XKR6: variants seen among roughly 807,000 people sequenced by gnomAD.
XKR6 encodes XK-related protein 6.
A neutral mutation model predicts 56.7 loss-of-function variants in XKR6; 22 were observed. The observed-to-expected ratio is 0.39, with a 90% CI of 0.28 to 0.55. The LOEUF (loss-of-function observed/expected upper bound fraction) is 0.55. Among genes scored for constraint, XKR6 ranks in the 20% least tolerant of loss-of-function variants. The pLI is 0.66. For synonymous variants in XKR6, 524 were observed against 387.8 expected, an observed-to-expected ratio of 1.35 and a Z score of -4.13; for missense variants, 852 against 889.0, an observed-to-expected ratio of 0.96 and a Z score of 0.53.
chr8:11,198,136 T>A (rs192625177), intron 1 of XKR6, among the ~76,000 whole-genome samples: 2 of 152,224 alleles, frequency 1.3e-5, no homozygotes, highest in African/African-American at 2.4e-5. Context: ...AGATGATGTA[T>A]GTTCAAACAC....
chr8:11,173,204 C>T (rs1313133053), intron 1 of XKR6, among the ~76,000 whole-genome samples: 2 of 151,112 alleles, frequency 1.3e-5, no homozygotes, highest in African/African-American at 4.9e-5. Flanking sequence ...ATTAGCCGGG[C>T]GTGGTGGCGG....
chr8:11,174,224 A>G (rs1047819489), intron 1 of XKR6, among the ~76,000 whole-genome samples: 3 of 152,256 alleles, frequency 2.0e-5, no homozygotes, highest in Admixed American at 6.5e-5. Context: ...AAATTGCATT[A>G]GGAACACACG....
intron 1 of XKR6, among the ~76,000 whole-genome samples, chr8:11,191,605 G>A (rs1382325181): frequency 6.6e-6 from 1 of 150,426 alleles, no homozygotes; most frequent in South Asian, 2.1e-4. Context: ...TAGAAATACA[G>A]AGTGCAAACG....
chr8:11,160,200 CA>C (rs963802624), intron 1 of XKR6, among the ~76,000 whole-genome samples: 4 of 140,172 alleles, frequency 2.9e-5, no homozygotes, highest in African/African-American at 8.3e-5. Context: ...ACGTCAGAAA[CA>C]AAAAAAAAGT....
chr8:10,909,312 T>G (rs543682236), intron 2 of XKR6, among the ~76,000 whole-genome samples: 1 of 152,176 alleles, frequency 6.6e-6, no homozygotes, highest in African/African-American at 2.4e-5. Flanking sequence ...ATGAGCCAAA[T>G]ACGCTTCTAT....
chr8:11,131,197 T>A (rs139675300), intron 1 of XKR6, among the ~76,000 whole-genome samples: 1 of 152,200 alleles, frequency 6.6e-6, no homozygotes, highest in Admixed American at 6.5e-5. Context: ...GCCTCTTTCA[T>A]TTTCCATAGC....
intron 1 of XKR6, among the ~76,000 whole-genome samples, chr8:10,969,621 A>G (rs922962283): frequency 1.3e-5 from 2 of 152,230 alleles, no homozygotes; most frequent in Non-Finnish European, 2.9e-5. Flanking sequence ...CTGGTGGGAC[A>G]GTCATCCTGA....
chr8:11,121,122 C>T (rs994524277), intron 1 of XKR6, among the ~76,000 whole-genome samples: 3 of 152,180 alleles, frequency 2.0e-5, no homozygotes, highest in Admixed American at 2.0e-4. Context: ...AGGACATAGG[C>T]ATGGGTGAGG....
intron 1 of XKR6, among the ~76,000 whole-genome samples, chr8:10,925,475 G>A (rs1312874568): frequency 6.6e-6 from 1 of 152,140 alleles, no homozygotes; most frequent in Admixed American, 6.5e-5. Context: ...GGACATCAGG[G>A]GGACCCAGGG....
In XKR6 at chr8:11,107,054, A is replaced by G. The variant is rs935176576; in HGVS notation, c.764+93522T>C. ...AGAGCAAAACATGACAATGAGAGGA[A>G]AGAAGATGGAACAAACTGTGATGCT... On this transcript the variant is annotated intron_variant, in intron 1 of 2. Coordinates refer to ENST00000416569, the MANE Select transcript of XKR6 (RefSeq NM_173683.4). 2.0e-5 allele frequency among the ~76,000 whole-genome samples: 3 copies of G among 152,160 alleles called. 1 individual carries two copies. In the South Asian group the frequency reaches 6.2e-4, roughly 32 times the overall value.
intron 1 of XKR6, among the ~76,000 whole-genome samples, chr8:11,127,467 T>A (rs147657610): frequency 1.4e-4 from 22 of 152,374 alleles, no homozygotes; most frequent in African/African-American, 4.8e-4. Flanking sequence ...GTGGACTAAA[T>A]GAAGGTGTCA....
chr8:11,077,132 A>C (rs182032331), intron 1 of XKR6, among the ~76,000 whole-genome samples: 1 of 152,210 alleles, frequency 6.6e-6, no homozygotes, highest in East Asian at 1.9e-4. Context: ...AGCCATGATC[A>C]CACCACTGCC....
chr8:11,024,670 C>G (rs1442419559), intron 1 of XKR6, among the ~76,000 whole-genome samples: 1 of 152,234 alleles, frequency 6.6e-6, no homozygotes, highest in Non-Finnish European at 1.5e-5. Context: ...CAACCTTGCT[C>G]CCACATTTCC....
At chr8:11,102,475 A>C (rs1316269038) in intron 1 of XKR6, among the ~76,000 whole-genome samples, 1 of 152,192 alleles carries the variant, frequency 6.6e-6, no homozygotes, top group Non-Finnish European at 1.5e-5. Flanking sequence ...CTGAGAAGAC[A>C]ATTTTGCTGT....
At chr8:10,926,423 G>T (rs1800887107) in intron 1 of XKR6, among the ~76,000 whole-genome samples, 1 of 152,258 alleles carries the variant, frequency 6.6e-6, no homozygotes, top group Non-Finnish European at 1.5e-5. Flanking sequence ...GATTCCTAAG[G>T]CCCTTTGGGG....
At chr8:10,975,483 C>T (rs545069416) in intron 1 of XKR6, among the ~76,000 whole-genome samples, 1 of 152,386 alleles carries the variant, frequency 6.6e-6, no homozygotes, top group South Asian at 2.1e-4. Flanking sequence ...TGCTTGCCCA[C>T]TGCGAGAGTT....
chr8:10,993,931 G>A (rs1041388059), intron 1 of XKR6, among the ~76,000 whole-genome samples: 8 of 152,186 alleles, frequency 5.3e-5, no homozygotes, highest in African/African-American at 1.7e-4. Context: ...TTCTGCAGCT[G>A]CAGACCTGAA....
chr8:11,017,715 A>C (rs1285445108), intron 1 of XKR6, among the ~76,000 whole-genome samples: 2 of 152,228 alleles, frequency 1.3e-5, no homozygotes, highest in African/African-American at 2.4e-5. Context: ...AGGGGCAGGC[A>C]TTTGACCTGG....
At chr8:11,150,258 T>G (rs1801207316) in intron 1 of XKR6, among the ~76,000 whole-genome samples, 1 of 152,150 alleles carries the variant, frequency 6.6e-6, no homozygotes, top group African/African-American at 2.4e-5. Flanking sequence ...ACAGAAATGA[T>G]AAGTACTCAA....
Sources: allele counts gnomAD v4.1 joint callset (sites outside exome capture counted in the v4.1 genomes callset), GRCh38; gene constraint gnomAD v4.1.1; transcripts MANE v1.5; gene names NCBI Gene and HGNC (gene_info 2026-07-23, HGNC 2026-07-21).